ADAMTS6: variants seen among roughly 807,000 people sequenced by gnomAD.
ADAMTS6 encodes A disintegrin and metalloproteinase with thrombospondin motifs 6.
Under a neutral mutation model 144.3 loss-of-function variants are expected in ADAMTS6, and 23 were observed. The observed-to-expected ratio is 0.16, with a 90% CI of 0.11 to 0.23. The LOEUF (loss-of-function observed/expected upper bound fraction) is 0.23, where lower values mean the gene tolerates loss of function less well. Among genes scored for constraint, ADAMTS6 ranks in the 10% least tolerant of loss-of-function variants. ADAMTS6 has a pLI of 1.00. For synonymous variants in ADAMTS6, 444 were observed against 457.5 expected (o/e 0.97, Z 0.38); for missense variants, 999 against 1,379.6 (o/e 0.72, Z 4.37).
intron 24 of ADAMTS6, among the ~76,000 whole-genome samples, chr5:65,159,648 G>A (rs1224109453): frequency 6.6e-6 from 1 of 152,094 alleles, no homozygotes; most frequent in Non-Finnish European, 1.5e-5. Context: ...TTCTTGCCAC[G>A]CCTGGAACAG....
chr5:65,200,355 ACT>A (rs1358578304), intron 20 of ADAMTS6, among the ~76,000 whole-genome samples: 1 of 152,208 alleles, frequency 6.6e-6, no homozygotes, highest in African/African-American at 2.4e-5. Flanking sequence ...AATAATCTAA[ACT>A]AAGTCCACAA....
At chr5:65,332,121 A>C (rs1243932068) in intron 8 of ADAMTS6, among the ~76,000 whole-genome samples, 1 of 151,698 alleles carries the variant, frequency 6.6e-6, no homozygotes, top group East Asian at 1.9e-4. Context: ...TTTATTTCTC[A>C]AAATACTTTA....
intron 7 of ADAMTS6, among the ~76,000 whole-genome samples, chr5:65,426,276 C>T (rs2150208092): frequency 6.9e-6 from 1 of 145,838 alleles, no homozygotes; most frequent in South Asian, 2.2e-4. Flanking sequence ...CCAGGCTGGT[C>T]TCGAACTCCT....
chr5:65,480,776 G>T (rs1006483128), intron 1 of ADAMTS6, among the ~76,000 whole-genome samples: 1 of 152,114 alleles, frequency 6.6e-6, no homozygotes, highest in Non-Finnish European at 1.5e-5. Flanking sequence ...GTGGCCAAAA[G>T]TAAATCAAAA....
At chr5:65,206,165 C>T (rs1425868485) in intron 20 of ADAMTS6, among the ~76,000 whole-genome samples, 1 of 151,986 alleles carries the variant, frequency 6.6e-6, no homozygotes, top group Non-Finnish European at 1.5e-5. Flanking sequence ...CTTAGTATCT[C>T]TAATTTTAAA....
intron 9 of ADAMTS6, among the ~76,000 whole-genome samples, chr5:65,305,612 C>A (rs1743867605): frequency 6.6e-6 from 1 of 152,060 alleles, no homozygotes; most frequent in Non-Finnish European, 1.5e-5. Context: ...CGGGCCCACC[C>A]CAATGGATGA....
chr5:65,220,467 G>A (rs547883754), intron 18 of ADAMTS6, among the ~76,000 whole-genome samples: 57 of 152,088 alleles, frequency 3.7e-4, no homozygotes, highest in African/African-American at 1.3e-3. Flanking sequence ...GGAATTAGCC[G>A]GGCGCAGTGG....
chr5:65,258,764 A>T (rs1760908834), intron 14 of ADAMTS6, among the ~76,000 whole-genome samples: 5 of 152,196 alleles, frequency 3.3e-5, no homozygotes, highest in Admixed American at 3.3e-4. Flanking sequence ...AGCCAAATGG[A>T]GTTACATCTG....
intron 14 of ADAMTS6, among the ~76,000 whole-genome samples, chr5:65,260,312 G>A (rs1010952507): frequency 6.7e-6 from 1 of 149,260 alleles, no homozygotes; most frequent in Non-Finnish European, 1.5e-5. Context: ...GAAAGATAGT[G>A]GTGTTGAAGT....
At chr5:65,271,796 T>A (rs1047250769) in intron 12 of ADAMTS6, among the ~76,000 whole-genome samples, 1 of 152,162 alleles carries the variant, frequency 6.6e-6, no homozygotes, top group African/African-American at 2.4e-5. Context: ...TGAGGTAAAT[T>A]GACAAGAATT....
At chr5:65,206,363 A>C (rs141771678) in intron 20 of ADAMTS6, among the ~76,000 whole-genome samples, 89 of 152,328 alleles carry the variant, frequency 5.8e-4, no homozygotes, top group Non-Finnish European at 4.6e-4. Context: ...CACATCAGGA[A>C]AATTCAAAAT....
intron 9 of ADAMTS6, among the ~76,000 whole-genome samples, chr5:65,326,200 T>C (rs1021357100): frequency 6.6e-6 from 1 of 152,158 alleles, no homozygotes; most frequent in Non-Finnish European, 1.5e-5. Flanking sequence ...GGCTGAATTC[T>C]TGCCACCCCT....
intron 11 of ADAMTS6, among the ~76,000 whole-genome samples, chr5:65,276,143 C>T (rs1762519658): frequency 6.6e-6 from 1 of 152,266 alleles, no homozygotes; most frequent in African/African-American, 2.4e-5. Flanking sequence ...GTAGCAGGTG[C>T]TTAAGATACT....
At chr5:65,345,678 T>C (rs895352532) in intron 7 of ADAMTS6, among the ~76,000 whole-genome samples, 4 of 151,844 alleles carry the variant, frequency 2.6e-5, no homozygotes, top group Admixed American at 1.3e-4. Context: ...TTTTACACCA[T>C]TGGAGTACAA....
chr5:65,164,303 G>A (rs1010305645), intron 24 of ADAMTS6, among the ~76,000 whole-genome samples: 282 of 152,166 alleles, frequency 1.9e-3, no homozygotes, highest in African/African-American at 6.3e-3. Context: ...ACTCCCACCC[G>A]AATATTGCGC....
chr5:65,306,737 G>A (rs1743973257), intron 9 of ADAMTS6, among the ~76,000 whole-genome samples: 1 of 152,088 alleles, frequency 6.6e-6, no homozygotes, highest in African/African-American at 2.4e-5. Context: ...TTCTTAATTT[G>A]TGCCAAACAT....
intron 7 of ADAMTS6, among the ~76,000 whole-genome samples, chr5:65,424,031 T>C (rs1756298037): frequency 6.6e-6 from 1 of 152,128 alleles, no homozygotes; most frequent in Non-Finnish European, 1.5e-5. Flanking sequence ...TTATAAGTAG[T>C]TCACTAAGAA....
intron 11 of ADAMTS6, among the ~76,000 whole-genome samples, chr5:65,286,130 T>C (rs192912847): frequency 6.6e-6 from 1 of 152,334 alleles, no homozygotes; most frequent in Admixed American, 6.5e-5. Flanking sequence ...AAAACATTTA[T>C]TGAATGTCAT....
At chr5:65,424,679 A>G (rs988689663) in intron 7 of ADAMTS6, among the ~76,000 whole-genome samples, 2 of 152,206 alleles carry the variant, frequency 1.3e-5, no homozygotes, top group African/African-American at 4.8e-5. Context: ...TTGCATCTAT[A>G]AGGCAAAAAT....
Sources: allele counts gnomAD v4.1 joint callset (sites outside exome capture counted in the v4.1 genomes callset), GRCh38; gene constraint gnomAD v4.1.1; transcripts MANE v1.5; gene names NCBI Gene and HGNC (gene_info 2026-07-23, HGNC 2026-07-21).